Variants in NOVA2 observed in about 807,000 individuals in gnomAD.
NOVA2 encodes the protein NOVA alternative splicing regulator 2.
NOVA2 carries 9 observed loss-of-function variants against 22.5 expected under a neutral mutation model. The observed-to-expected ratio is 0.40, with a 90% CI of 0.24 to 0.70. NOVA2 has a LOEUF of 0.70. Among genes scored for constraint, NOVA2 ranks in the 30% least tolerant of loss-of-function variants. The pLI, the probability that NOVA2 is intolerant of heterozygous loss-of-function variation, is 0.38. For missense variants in NOVA2, 383 were observed against 682.8 expected, an observed-to-expected ratio of 0.56 and a Z score of 4.89; for synonymous variants, 318 against 335.2, an observed-to-expected ratio of 0.95 and a Z score of 0.56.
intron 2 of NOVA2, among the ~76,000 whole-genome samples, chr19:45,955,402 T>C (rs552273996): frequency 6.6e-6 from 1 of 152,212 alleles, no homozygotes; most frequent in African/African-American, 2.4e-5. Context: ...CTGGTGTGTT[T>C]GTGTATGTGT....
At position 45,961,531 on chromosome 19, in the gene NOVA2, G is replaced by T. The variant is rs370299053; in HGVS notation, c.86-378C>A. ...TGATGACACAAAAAAGGCAGGAAAA[G>T]GGGGTCAGGGAGGGTGGGAGGCTGC... On this transcript the variant is annotated intron_variant, in intron 1 of 3. Transcript: ENST00000263257. Among the ~76,000 whole-genome samples the T allele has an allele frequency of 7.9e-5, 12 of 152,088 alleles. No homozygotes were observed. The East Asian group carries it at 9.6e-4, about 12-fold the overall frequency.
rs1967659788 is a variant in NOVA2, at chr19:45,936,801, C to T, written c.*3062G>A. 1 of 152,058 alleles carries T rather than the reference C, an allele frequency of 6.6e-6. No homozygotes were observed. Among genetic ancestry groups the T allele is most frequent in the South Asian group, 2.1e-4 (1 of 4,822 alleles). The allele number at this position is 152,058 out of a possible 1,614,324, so 9.4% of individuals were successfully genotyped here. A position where few individuals can be genotyped will look rare whatever the true frequency, so the allele number is the denominator to read the frequency against. Reference sequence around the variant, plus strand: ...TAGGGAGATAATCCAATGCAGCAAACACTTATTAAGCACCTACTGGGTGCT... The same window carrying T: ...TAGGGAGATAATCCAATGCAGCAAATACTTATTAAGCACCTACTGGGTGCT... On this transcript the variant is annotated 3_prime_UTR_variant, in exon 4 of 4. Coordinates refer to ENST00000263257, the MANE Select transcript of NOVA2 (RefSeq NM_002516.4).
At position 45,939,957 on chromosome 19, in the gene NOVA2, C is replaced by T. The variant is rs1391456527; in HGVS notation, c.1385G>A (p.Ser462Asn). 1 of 1,614,010 alleles carries T rather than the reference C, an allele frequency of 6.2e-7. No individual in the cohort carries two copies. Among genetic ancestry groups the T allele is most frequent in the Non-Finnish European group, 8.5e-7 (1 of 1,179,948 alleles). ...TTGAGCGGCTTGCGTGGCCGCGGGG[C>T]TGCCCGTGATGGTGACCCGCCGGTT... ...TRNRRVTITG[S>N]PAATQAAQYL... is the part of the protein sequence containing the mutation. Residue 462 changes from serine (S) to asparagine (N), a missense_variant, in exon 4 of 4, where the codon AGC (serine) becomes AAC (asparagine). Ser to Asn is a conservative substitution (Grantham distance 46). Around this residue, in one of 2 missense-constraint regions of NOVA2, gnomAD observed 34 missense variants for 104.7 expected, o/e 0.32. Transcript: ENST00000263257.
intron 3 of NOVA2, among the ~76,000 whole-genome samples, chr19:45,949,248 AACT>A (rs979602763): frequency 6.6e-6 from 1 of 152,012 alleles, no homozygotes; most frequent in African/African-American, 2.4e-5. Flanking sequence ...CATACAACAA[AACT>A]ACTAAACTGT....
At position 45,954,855 on chromosome 19, in the gene NOVA2, G is replaced by GGTGTGT. The variant is rs10598680; in HGVS notation, c.230-915_230-910dup. Among the ~76,000 whole-genome samples the GGTGTGT allele has an allele frequency of 3.7e-3, 537 of 144,786 alleles. 2 individuals are homozygous for GGTGTGT. The highest frequency in any genetic ancestry group is 0.017 in the Middle Eastern group (5 of 286). 95.0% of individuals were successfully genotyped at this position (144,786 alleles called of 152,430 possible). A position where few individuals can be genotyped will look rare whatever the true frequency, so the allele number is the denominator to read the frequency against. On this transcript the variant is annotated intron_variant, in intron 2 of 3. Coordinates refer to ENST00000263257, the MANE Select transcript of NOVA2 (RefSeq NM_002516.4). Reference sequence around the variant, plus strand: ...GTGTGTGTCTGCGAGGCTGGTGAGTGGTGTGTGTGTGTGTGTGTGTGTGTG... The same window carrying GGTGTGT: ...GTGTGTGTCTGCGAGGCTGGTGAGTGGTGTGTGTGTGTGTGTGTGTGTGTGTGTGTG...
In NOVA2 at chr19:45,973,639, C is replaced by T. The variant is rs1334078527; in HGVS notation, c.-288G>A. 1.0e-4 allele frequency: 2 copies of T among 19,850 alleles called. No homozygotes were observed. The highest frequency in any genetic ancestry group is 2.3e-4 in the African/African-American group (1 of 4,420). 1.2% of individuals were successfully genotyped at this position (19,850 alleles called of 1,614,324 possible). A position where few individuals can be genotyped will look rare whatever the true frequency, so the allele number is the denominator to read the frequency against. On this transcript the variant is annotated 5_prime_UTR_variant, in exon 1 of 4. Coordinates refer to ENST00000263257, the MANE Select transcript of NOVA2 (RefSeq NM_002516.4). The stretch of plus-strand genomic sequence containing the variant: ...TGGAGGGATGGGGGAGGGGGAGCCC[C>T]GGAGAGGGAAGGCGGGGGTAGGGGG...
chr19:45,962,942 C>A (rs933383235), intron 1 of NOVA2, among the ~76,000 whole-genome samples: 1 of 152,188 alleles, frequency 6.6e-6, no homozygotes, highest in Non-Finnish European at 1.5e-5. Context: ...GCCACCGCAC[C>A]TTGCTTATTA....
chr19:45,964,320 C>T (rs1968139230), intron 1 of NOVA2, among the ~76,000 whole-genome samples: 1 of 148,726 alleles, frequency 6.7e-6, no homozygotes, highest in South Asian at 2.1e-4. Context: ...GCTGGGATTA[C>T]AGGTGCCCAC....
At chr19:45,971,390 G>A (rs1245647936) in intron 1 of NOVA2, among the ~76,000 whole-genome samples, 1 of 152,078 alleles carries the variant, frequency 6.6e-6, no homozygotes, top group Non-Finnish European at 1.5e-5. Flanking sequence ...ACTGGGAACA[G>A]CAGTGGGGCA....
intron 2 of NOVA2, among the ~76,000 whole-genome samples, chr19:45,959,698 G>C (rs908179056): frequency 6.7e-6 from 1 of 149,316 alleles, no homozygotes; most frequent in African/African-American, 2.4e-5. Flanking sequence ...GGATGGTGGA[G>C]AGAGAGAGAG....
chr19:45,971,440 G>T (rs950001801), intron 1 of NOVA2, among the ~76,000 whole-genome samples: 2 of 151,998 alleles, frequency 1.3e-5, no homozygotes, highest in Non-Finnish European at 2.9e-5. Context: ...TCATGTGTGT[G>T]CTGGGGGTGG....
At chr19:45,972,666 C>A (rs1021632554) in intron 1 of NOVA2, among the ~76,000 whole-genome samples, 3 of 152,056 alleles carry the variant, frequency 2.0e-5, no homozygotes. Context: ...GTAGAGGGCA[C>A]ACATACACAC....
intron 3 of NOVA2, among the ~76,000 whole-genome samples, chr19:45,947,195 G>A (rs1486773387): frequency 6.6e-6 from 1 of 152,094 alleles, no homozygotes; most frequent in Non-Finnish European, 1.5e-5. Context: ...ATTTTTGCCT[G>A]TATTATTACT....
At chr19:45,961,896 G>A (rs1968101412) in intron 1 of NOVA2, among the ~76,000 whole-genome samples, 1 of 152,178 alleles carries the variant, frequency 6.6e-6, no homozygotes, top group Non-Finnish European at 1.5e-5. Context: ...GACTGTGCCT[G>A]TGCTCTTCCA....
At chr19:45,947,535 G>A (rs963515927) in intron 3 of NOVA2, among the ~76,000 whole-genome samples, 4 of 150,932 alleles carry the variant, frequency 2.7e-5, no homozygotes, top group Admixed American at 6.6e-5. Flanking sequence ...GTGCAGTGGC[G>A]CAATCTCAGC....
In NOVA2 at chr19:45,940,392, T is replaced by G. The variant is rs1967730802; in HGVS notation, c.950A>C (p.Asn317Thr). The stretch of plus-strand genomic sequence containing the variant: ...GTTGGCGGCGGCGGCGGCTGCTGGG[T>G]TGGCCCCGGCGGCCACGGCGGCCAG... ...GVLAAVAAGA[N>T]PAAAAAANLL... The change falls in exon 4 of 4, where the codon AAC becomes ACC. Residue 317 changes from asparagine to threonine, a missense_variant. Coordinates refer to ENST00000263257, the MANE Select transcript of NOVA2 (RefSeq NM_002516.4). 2 of 1,439,504 alleles carry G rather than the reference T, an allele frequency of 1.4e-6. No individual in the cohort carries two copies. 89.2% of individuals were successfully genotyped at this position (1,439,504 alleles called of 1,614,324 possible).
chr19:45,957,045 G>T (rs751860758), intron 2 of NOVA2, among the ~76,000 whole-genome samples: 1 of 152,224 alleles, frequency 6.6e-6, no homozygotes, highest in Non-Finnish European at 1.5e-5. Flanking sequence ...AAAAGAATAT[G>T]AATGTATTAA....
At chr19:45,946,680 T>C (rs931361470) in intron 3 of NOVA2, among the ~76,000 whole-genome samples, 2 of 151,990 alleles carry the variant, frequency 1.3e-5, no homozygotes, top group Non-Finnish European at 2.9e-5. Context: ...GAGACCATCC[T>C]GGCTAACATG....
At chr19:45,952,621 G>A (rs746385703) in intron 3 of NOVA2, among the ~76,000 whole-genome samples, 1 of 152,218 alleles carries the variant, frequency 6.6e-6, no homozygotes, top group Non-Finnish European at 1.5e-5. Context: ...TTGTGGCCAC[G>A]ACCAAGGCGG....
Sources: allele counts gnomAD v4.1 joint callset (sites outside exome capture counted in the v4.1 genomes callset), GRCh38; gene constraint gnomAD v4.1.1; regional missense constraint gnomAD v4.1.1; transcripts MANE v1.5; gene names NCBI Gene and HGNC (gene_info 2026-07-23, HGNC 2026-07-21).